The following SRPK2 variants were observed in gnomAD, a reference collection of about 807,000 sequenced individuals.
The protein encoded by SRPK2 is SFRS protein kinase 2.
Under a neutral mutation model 90.8 loss-of-function variants are expected in SRPK2, and 21 were observed. The observed-to-expected ratio is 0.23, with a 90% CI of 0.16 to 0.33. The LOEUF is 0.33. SRPK2 is among the 10% of genes least tolerant of loss of function. The pLI, the probability that SRPK2 is intolerant of heterozygous loss-of-function variation, is 1.00. For missense variants in SRPK2, 620 were observed against 869.0 expected, an observed-to-expected ratio of 0.71 and a Z score of 3.60; for synonymous variants, 288 against 311.1, an observed-to-expected ratio of 0.93 and a Z score of 0.78.
chr7:105,373,420 T>TG, intron 2 of SRPK2, among the ~76,000 whole-genome samples: 1 of 149,956 alleles, frequency 6.7e-6, no homozygotes, highest in Middle Eastern at 3.5e-3. Flanking sequence ...TTTTTTTTTT[T>TG]GAAACAAAGT....
At chr7:105,366,837 A>C (rs1356172731) in intron 2 of SRPK2, among the ~76,000 whole-genome samples, 1 of 152,224 alleles carries the variant, frequency 6.6e-6, no homozygotes, top group East Asian at 1.9e-4. Context: ...ATGTATGCTG[A>C]ATTCATTTAT....
At chr7:105,229,391 G>A (rs983746888) in intron 2 of SRPK2, among the ~76,000 whole-genome samples, 6 of 152,070 alleles carry the variant, frequency 3.9e-5, no homozygotes, top group African/African-American at 9.7e-5. Flanking sequence ...GTGAACCCGG[G>A]AGGCGGAGCT....
intron 2 of SRPK2, chr7:105,297,453 AT>A: frequency 2.0e-6 from 2 of 985,330 alleles, no homozygotes; most frequent in South Asian, 4.7e-5. Flanking sequence ...TTCAAAACAC[AT>A]TGGCTTTCCC....
chr7:105,310,085 AG>A (rs1308202872), intron 2 of SRPK2, among the ~76,000 whole-genome samples: 1 of 152,216 alleles, frequency 6.6e-6, no homozygotes, highest in Non-Finnish European at 1.5e-5. Flanking sequence ...CCAAACAGAA[AG>A]GAAAACACAG....
intron 11 of SRPK2, among the ~76,000 whole-genome samples, chr7:105,139,300 A>G (rs1562972463): frequency 1.3e-5 from 2 of 152,356 alleles, no homozygotes; most frequent in East Asian, 1.9e-4. Context: ...AGGAACCTCC[A>G]TAATAGGAGA....
rs904579951 is a variant in SRPK2, at chr7:105,277,211, G to A, written c.72-73426C>T. Among the ~76,000 whole-genome samples, 25 of 151,980 alleles carry A rather than the reference G, an allele frequency of 1.6e-4. 1 individual carries two copies. Among genetic ancestry groups the A allele is most frequent in the African/African-American group, 5.1e-4 (21 of 41,356 alleles). ...CCTGTCTCAGCCTCCCGAGTAGCTG[G>A]GACTACAGGCGCCCACTACCACGTC... On this transcript the variant is annotated intron_variant, in intron 2 of 15. Coordinates refer to ENST00000393651, the MANE Select transcript of SRPK2 (RefSeq NM_182692.3).
At chr7:105,377,823 C>A (rs562036498) in intron 2 of SRPK2, among the ~76,000 whole-genome samples, 1 of 152,294 alleles carries the variant, frequency 6.6e-6, no homozygotes, top group East Asian at 1.9e-4. Context: ...AATTCAGAAA[C>A]ATGGAATTAA....
Position 105,121,791 on chromosome 7 carries a change from T to C in SRPK2, c.1916-3769A>G, listed in dbSNP as rs1187577420. ...TTCTAAGGAAACAGGGAAGTTCTAT[T>C]ATACTTCTCTTGAATCTTAAAGTGG... is the stretch of plus-strand genomic sequence containing the variant. On this transcript the variant is annotated intron_variant, in intron 15 of 15. Coordinates refer to ENST00000393651, the MANE Select transcript of SRPK2 (RefSeq NM_182692.3). Among the ~76,000 whole-genome samples the C allele has an allele frequency of 4.6e-5, 7 of 152,334 alleles. No homozygotes were observed. In the East Asian group the frequency reaches 1.2e-3, roughly 25 times the overall value.
At position 105,251,408 on chromosome 7, in the gene SRPK2, T is replaced by C. The variant is rs961555745; in HGVS notation, c.72-47623A>G. Reference sequence around the variant, plus strand: ...TTTTAGAGACAGGGTCTCACTATGTTACCCAGGCTGGTCTTGAACTCCTGG... The same window carrying C: ...TTTTAGAGACAGGGTCTCACTATGTCACCCAGGCTGGTCTTGAACTCCTGG... On this transcript the variant is annotated intron_variant, in intron 2 of 15. Coordinates refer to ENST00000393651, the MANE Select transcript of SRPK2 (RefSeq NM_182692.3). 3.0e-4 allele frequency among the ~76,000 whole-genome samples: 46 copies of C among 152,270 alleles called. No homozygotes were observed. In the Middle Eastern group the frequency reaches 0.01, roughly 34 times the overall value.
intron 2 of SRPK2, among the ~76,000 whole-genome samples, chr7:105,364,691 C>T (rs904030055): frequency 1.3e-5 from 2 of 152,004 alleles, no homozygotes; most frequent in African/African-American, 2.4e-5. Flanking sequence ...GGAGAGCCAC[C>T]GCGCCTGGCC....
At chr7:105,222,290 T>G (rs1798191475) in intron 2 of SRPK2, among the ~76,000 whole-genome samples, 5 of 152,218 alleles carry the variant, frequency 3.3e-5, no homozygotes, top group Admixed American at 2.6e-4. Context: ...GCAGTTAAAC[T>G]GCTTCTGATG....
rs56284321 is a variant in SRPK2, at chr7:105,329,109, T to C, written c.71+59539A>G. ...GAGATAAGAGTTTACATATTACTGA[T>C]CTATAGGGCCAGTTTTAACCACCTC... is the stretch of plus-strand genomic sequence containing the variant. On this transcript the variant is annotated intron_variant, in intron 2 of 15. Coordinates refer to ENST00000393651, the MANE Select transcript of SRPK2 (RefSeq NM_182692.3). 9.0e-3 allele frequency among the ~76,000 whole-genome samples: 1,371 copies of C among 152,228 alleles called. 12 individuals are homozygous for C. Among genetic ancestry groups the C allele is most frequent in the Non-Finnish European group, 0.016 (1,080 of 68,014 alleles).
chr7:105,329,087 A>G (rs1417622836), intron 2 of SRPK2, among the ~76,000 whole-genome samples: 1 of 152,144 alleles, frequency 6.6e-6, no homozygotes, highest in Non-Finnish European at 1.5e-5. Context: ...CAGATGTGAG[A>G]TAAGAGTTTA....
chr7:105,257,473 T>C (rs1043042712), intron 2 of SRPK2, among the ~76,000 whole-genome samples: 7 of 152,238 alleles, frequency 4.6e-5, no homozygotes, highest in African/African-American at 1.7e-4. Flanking sequence ...AAACCTGGTA[T>C]TGAATTACAC....
intron 2 of SRPK2, among the ~76,000 whole-genome samples, chr7:105,331,090 T>C (rs564837819): frequency 1.8e-4 from 27 of 149,966 alleles, no homozygotes; most frequent in Non-Finnish European, 2.7e-4. Context: ...TCACTTGAGG[T>C]CAGGAGTTTG....
intron 2 of SRPK2, among the ~76,000 whole-genome samples, chr7:105,289,329 T>C (rs1209651816): frequency 1.3e-5 from 2 of 151,986 alleles, no homozygotes; most frequent in Admixed American, 6.6e-5. Context: ...CACATCATTA[T>C]GTAATAACAA....
At chr7:105,264,567 G>T (rs1804783335) in intron 2 of SRPK2, among the ~76,000 whole-genome samples, 1 of 151,896 alleles carries the variant, frequency 6.6e-6, no homozygotes, top group African/African-American at 2.4e-5. Flanking sequence ...TTCAGTATTG[G>T]CTAGCTAACT....
rs190714013 is a variant in SRPK2, at chr7:105,364,832, C to T, written c.71+23816G>A. Among the ~76,000 whole-genome samples the T allele has an allele frequency of 2.3e-3, 343 of 152,144 alleles. 1 individual carries two copies. Among genetic ancestry groups the T allele is most frequent in the African/African-American group, 7.6e-3 (314 of 41,522 alleles). On this transcript the variant is annotated intron_variant, in intron 2 of 15. Coordinates refer to ENST00000393651, the MANE Select transcript of SRPK2 (RefSeq NM_182692.3). Reference sequence around the variant, plus strand: ...GTTCTGGATGGTCAGGGGCATTGTCCAAAATCAAAAGAACTTTAAAAGGCA... The same window carrying T: ...GTTCTGGATGGTCAGGGGCATTGTCTAAAATCAAAAGAACTTTAAAAGGCA...
chr7:105,346,134 C>G (rs1816426417), intron 2 of SRPK2, among the ~76,000 whole-genome samples: 1 of 152,176 alleles, frequency 6.6e-6, no homozygotes, highest in Admixed American at 6.5e-5. Context: ...GTAAAAACTT[C>G]TAAGGTTTTC....
Sources: gnomAD v4.1 joint callset for allele counts (sites outside exome capture counted in the v4.1 genomes callset) on GRCh38, gnomAD v4.1.1 for gene constraint, MANE v1.5 for transcripts, NCBI Gene and HGNC (gene_info 2026-07-23, HGNC 2026-07-21) for gene names.